The following ATP2B3 variants were observed in gnomAD, a reference collection of about 807,000 sequenced individuals.
ATP2B3 encodes ATPase plasma membrane Ca2+ transporting 3.
Under a neutral mutation model 70.8 loss-of-function variants are expected in ATP2B3, and 12 were observed. The observed-to-expected ratio is 0.17, with a 90% CI of 0.11 to 0.27. The LOEUF is 0.27. Among genes scored for constraint, ATP2B3 ranks in the 10% least tolerant of loss-of-function variants. The probability of loss-of-function intolerance (pLI) is 1.00; values close to 1 mark genes in which losing one functional copy is unlikely to be tolerated. For synonymous variants in ATP2B3, 460 were observed against 497.8 expected, an observed-to-expected ratio of 0.92 and a Z score of 1.01; for missense variants, 858 against 1,118.5, an observed-to-expected ratio of 0.77 and a Z score of 3.32.
intron 7 of ATP2B3, among the ~76,000 whole-genome samples, chrX:153,545,779 A>C (rs1783843038): frequency 8.9e-6 from 1 of 111,856 alleles, no homozygotes; most frequent in South Asian, 3.7e-4. Flanking sequence ...CGACTTGGGG[A>C]GGTTCCAGCT....
rs28374921 is a variant in ATP2B3 at position 153,578,697 on chromosome X, G to A, written c.3343-1281G>A. Among the ~76,000 whole-genome samples, 824 of 112,641 alleles carry A rather than the reference G, an allele frequency of 7.3e-3. 9 individuals carry two copies. Among genetic ancestry groups the A allele is most frequent in the African/African-American group, 0.025 (773 of 31,000 alleles). ...GCACAGCGGGAGCTCTTTCATGCGG[G>A]AAGTTCCGCTGATCTGAGGTCTGCA... On this transcript the variant is annotated intron_variant, in intron 21 of 21. Coordinates refer to ENST00000263519, the MANE Select transcript of ATP2B3 (RefSeq NM_001001344.3).
At chrX:153,538,137 C>T (rs1219143973) in intron 3 of ATP2B3, among the ~76,000 whole-genome samples, 2 of 112,913 alleles carry the variant, frequency 1.8e-5, no homozygotes, top group East Asian at 2.8e-4. Flanking sequence ...GTGCCAGGAG[C>T]GGGTGACTCG....
Position 153,536,479 on chromosome X carries a change from C to T in ATP2B3, c.208+24C>T, listed in dbSNP as rs1223891786. ...GGGTAAGTCCCTCTCAGGCTGCATG[C>T]CACCCAGCCCTGCTCCCAGCCTTCA... On this transcript the variant is annotated intron_variant, in intron 3 of 21. Coordinates refer to ENST00000263519, the MANE Select transcript of ATP2B3 (RefSeq NM_001001344.3). The T allele has an allele frequency of 2.6e-6, 3 of 1,172,171 alleles. No individual in the cohort carries two copies. The African/African-American group carries it at 5.3e-5, about 21-fold the overall frequency.
intron 21 of ATP2B3, among the ~76,000 whole-genome samples, chrX:153,572,149 C>A (rs1460491902): frequency 8.8e-6 from 1 of 113,026 alleles, no homozygotes; most frequent in Non-Finnish European, 1.9e-5. Flanking sequence ...AGAGTGGGGA[C>A]TAGCACCAGC....
At chrX:153,552,029 C>T (rs1203970593) in intron 12 of ATP2B3, among the ~76,000 whole-genome samples, 1 of 112,819 alleles carries the variant, frequency 8.9e-6, no homozygotes, top group Admixed American at 9.3e-5. Flanking sequence ...ACCCACAGCG[C>T]TCTCCCAGAA....
Position 153,534,284 on chromosome X carries a change from C to T in ATP2B3, c.-126-1838C>T, listed in dbSNP as rs190333523. On this transcript the variant is annotated intron_variant, in intron 2 of 21. Transcript: ENST00000263519. ...CCTTGAGGGGTCAGAAGTGGGACACCCAGCTGTCCTCTGGCTCTGCCACTT... is the reference window on the plus strand; with the variant it reads ...CCTTGAGGGGTCAGAAGTGGGACACTCAGCTGTCCTCTGGCTCTGCCACTT... Among the ~76,000 whole-genome samples the T allele has an allele frequency of 5.4e-5, 6 of 111,987 alleles. 1 individual carries two copies. In the Admixed American group the frequency reaches 5.6e-4, roughly 11 times the overall value.
chrX:153,541,691 C>T lies in ATP2B3; in HGVS notation c.429C>T (p.Gly143=), dbSNP rs200024105. ...CAGCCTGTGGGAATGTGTCGGGAGG[C>T]GCAGAAGATGAGGGCGAGGCCGAAG... ...ESEACGNVSG[G]AEDEGEAEAG... is the part of the protein sequence containing the mutation. The change falls in exon 5 of 22, where the codon GGC becomes GGT. Residue 143 remains glycine, a synonymous_variant. Transcript: ENST00000263519. 2.7e-5 allele frequency: 33 copies of T among 1,209,336 alleles called. No individual in the cohort carries two copies. Among genetic ancestry groups the T allele is most frequent in the East Asian group, 1.2e-4 (4 of 33,752 alleles).
intron 21 of ATP2B3, among the ~76,000 whole-genome samples, chrX:153,572,360 C>T (rs972728784): frequency 1.8e-5 from 2 of 112,920 alleles, no homozygotes; most frequent in Non-Finnish European, 3.8e-5. Context: ...AGTCTGGGGC[C>T]TTTCTGGGCA....
chrX:153,572,769 G>A (rs1408813591), intron 21 of ATP2B3, among the ~76,000 whole-genome samples: 2 of 111,649 alleles, frequency 1.8e-5, no homozygotes. Flanking sequence ...CACACACCGA[G>A]GCCACAGTAT....
intron 8 of ATP2B3, among the ~76,000 whole-genome samples, chrX:153,547,365 G>A (rs2090384659): frequency 9.0e-6 from 1 of 111,268 alleles, no homozygotes; most frequent in African/African-American, 3.3e-5. Context: ...GGGACAGATG[G>A]AGCCCGAACA....
chrX:153,545,406 C>T (rs897716764), intron 7 of ATP2B3, among the ~76,000 whole-genome samples: 17 of 113,197 alleles, frequency 1.5e-4, no homozygotes, highest in African/African-American at 5.1e-4. Context: ...CACAGTGGCT[C>T]ATGCCTGTAA....
rs1057522147 is a variant in ATP2B3 at position 153,557,004 on chromosome X, C to A, written c.2414C>A (p.Ala805Glu). Residue 805 changes from alanine (A) to glutamate (E), a missense_variant, in exon 16 of 22, where the codon GCG becomes GAG. Ala to Glu is a moderately radical substitution (Grantham distance 107, BLOSUM62 -1). Coordinates refer to ENST00000263519, the MANE Select transcript of ATP2B3 (RefSeq NM_001001344.3). ...GTNDGPALKKADVGFAMGIAG... is the reference protein window; with the variant it reads ...GTNDGPALKKEDVGFAMGIAG... The stretch of plus-strand genomic sequence containing the variant: ...AACGATGGGCCGGCCCTCAAGAAGG[C>A]GGACGTGGGCTTCGCCATGGTAAGC... The A allele has an allele frequency of 8.4e-7, 1 of 1,185,850 alleles. No individual in the cohort carries two copies. Among genetic ancestry groups the A allele is most frequent in the Non-Finnish European group, 1.1e-6 (1 of 882,137 alleles).
At chrX:153,575,650 G>A (rs1338323052) in intron 21 of ATP2B3, among the ~76,000 whole-genome samples, 2 of 111,842 alleles carry the variant, frequency 1.8e-5, no homozygotes, top group South Asian at 3.8e-4. Context: ...GGCTGGGGCC[G>A]GGGGGGTTGG....
intron 2 of ATP2B3, among the ~76,000 whole-genome samples, chrX:153,526,094 CG>C (rs1569533225): frequency 8.9e-6 from 1 of 112,373 alleles, no homozygotes; most frequent in Admixed American, 9.3e-5. Flanking sequence ...GAGATGGAGA[CG>C]GGCAGGGTTG....
intron 16 of ATP2B3, among the ~76,000 whole-genome samples, chrX:153,557,901 C>T (rs2090565487): frequency 9.6e-6 from 1 of 104,680 alleles, no homozygotes; most frequent in Non-Finnish European, 2.0e-5. Flanking sequence ...CCCACCGTGA[C>T]ATGTGACAAC....
intron 3 of ATP2B3, among the ~76,000 whole-genome samples, chrX:153,537,620 C>G (rs1024574897): frequency 1.8e-5 from 2 of 112,698 alleles, no homozygotes; most frequent in African/African-American, 6.4e-5. Flanking sequence ...CTGATGCGCC[C>G]GTGACACCCG....
intron 2 of ATP2B3, among the ~76,000 whole-genome samples, chrX:153,524,867 C>A (rs1757908910): frequency 8.9e-6 from 1 of 112,345 alleles, no homozygotes; most frequent in African/African-American, 3.2e-5. Flanking sequence ...CTTCCTCCCT[C>A]CCCGCCAAGA....
chrX:153,531,789 C>T (rs782562440), intron 2 of ATP2B3, among the ~76,000 whole-genome samples: 119 of 112,789 alleles, frequency 1.1e-3, no homozygotes, highest in Non-Finnish European at 1.6e-3. Flanking sequence ...TATATGTCCA[C>T]GCAGACCCCA....
intron 21 of ATP2B3, among the ~76,000 whole-genome samples, chrX:153,570,995 T>TGC (rs782295772): frequency 0.031 from 2,009 of 64,653 alleles, 23 homozygotes; most frequent in Non-Finnish European, 0.048. Flanking sequence ...ACAGAGCACG[T>TGC]GCGCGCGTAC....
Sources: allele counts gnomAD v4.1 joint callset (sites outside exome capture counted in the v4.1 genomes callset), GRCh38; gene constraint gnomAD v4.1.1; transcripts MANE v1.5; gene names NCBI Gene and HGNC (gene_info 2026-07-23, HGNC 2026-07-21).